LRRFIP1: variants seen among roughly 807,000 people sequenced by gnomAD.
LRRFIP1 encodes the protein LRR binding FLII interacting protein 1.
Under a neutral mutation model 104.4 loss-of-function variants are expected in LRRFIP1, and 62 were observed. The ratio of observed to expected loss-of-function variants is 0.59; its 90% CI spans 0.48 to 0.73. The LOEUF (loss-of-function observed/expected upper bound fraction) is 0.73. Among genes scored for constraint, LRRFIP1 ranks in the 30% least tolerant of loss-of-function variants. The probability of loss-of-function intolerance (pLI) is 0.00; values close to 1 mark genes in which losing one functional copy is unlikely to be tolerated. For missense variants in LRRFIP1, 796 were observed against 824.5 expected, an observed-to-expected ratio of 0.97 and a Z score of 0.42; for synonymous variants, 300 against 299.0, an observed-to-expected ratio of 1.00 and a Z score of -0.03.
chr2:237,717,615 C>G lies in LRRFIP1; in HGVS notation c.202-147C>G. The G allele has an allele frequency of 1.4e-6, 1 of 730,874 alleles. No homozygotes were observed. The highest frequency in any genetic ancestry group is 1.5e-5 in the South Asian group (1 of 66,484). The allele number at this position is 730,874 out of a possible 1,614,324, so 45.3% of individuals were successfully genotyped here. ...GGCGGTCCCTGTGGAGAAGCCAGGCCTGGTGCCGACTGCTTTGCCTTGGCG... is the reference window on the plus strand; with the variant it reads ...GGCGGTCCCTGTGGAGAAGCCAGGCGTGGTGCCGACTGCTTTGCCTTGGCG... On this transcript the variant is annotated intron_variant, in intron 3 of 23. Transcript: ENST00000308482. This position sits in a 1 kb window ranked among gnomAD's most constrained non-coding sequence, Gnocchi z 4.2.
At chr2:237,659,145 G>C (rs1039238006) in intron 1 of LRRFIP1, among the ~76,000 whole-genome samples, 1 of 151,982 alleles carries the variant, frequency 6.6e-6, no homozygotes, top group Non-Finnish European at 1.5e-5. Context: ...CCAGGCTAAA[G>C]TGCAGTGGTG....
chr2:237,701,167 A>G (rs1305419568), intron 1 of LRRFIP1, among the ~76,000 whole-genome samples: 1 of 152,212 alleles, frequency 6.6e-6, no homozygotes, highest in Non-Finnish European at 1.5e-5. Flanking sequence ...AGCCTCCCGC[A>G]GCACCTGCTG....
chr2:237,779,580 TC>T lies in LRRFIP1; in HGVS notation c.*49del. On this transcript the variant is annotated 3_prime_UTR_variant, in exon 24 of 24. Transcript: ENST00000308482. ...TGGTTGGTGACTGGAGAGCATTGTT[TC>T]ATAGGCTTTTCTCTGTCCTATCTGG... The T allele has an allele frequency of 6.7e-7, 1 of 1,490,282 alleles. No homozygotes were observed. The allele number at this position is 1,490,282 out of a possible 1,614,324, so 92.3% of individuals were successfully genotyped here.
rs1307516405 is a variant in LRRFIP1 at position 237,766,413 on chromosome 2, T to A, written c.1460-3530T>A. Among the ~76,000 whole-genome samples the A allele has an allele frequency of 1.3e-5, 2 of 152,168 alleles. No individual in the cohort carries two copies. Among genetic ancestry groups the A allele is most frequent in the Non-Finnish European group, 2.9e-5 (2 of 68,022 alleles). On this transcript the variant is annotated intron_variant, in intron 19 of 23. Coordinates refer to ENST00000308482, the MANE Select transcript of LRRFIP1 (RefSeq NM_001137550.2). The surrounding 1 kb of genome is among the most constrained non-coding windows in gnomAD (Gnocchi z 4.8). ...AAAGCTGCATTCCTATTGGAATGCA[T>A]ACTGGAAACAGCTCTCATTCCTACC...
At chr2:237,667,017 GT>G (rs563797371) in intron 1 of LRRFIP1, among the ~76,000 whole-genome samples, 11 of 139,276 alleles carry the variant, frequency 7.9e-5, no homozygotes, top group African/African-American at 1.3e-4. Flanking sequence ...GTTTCTAGTT[GT>G]TTTTTTTTTC....
At chr2:237,697,430 G>A (rs2093263622) in intron 1 of LRRFIP1, among the ~76,000 whole-genome samples, 1 of 152,160 alleles carries the variant, frequency 6.6e-6, no homozygotes, top group South Asian at 2.1e-4. Flanking sequence ...TACTGCTTAT[G>A]TCGGCATACA....
At chr2:237,667,370 T>C (rs1266689010) in intron 1 of LRRFIP1, among the ~76,000 whole-genome samples, 1 of 152,248 alleles carries the variant, frequency 6.6e-6, no homozygotes, top group Non-Finnish European at 1.5e-5. Context: ...TCCATGTCCC[T>C]GCAAAGGACA....
At chr2:237,647,809 G>A (rs1169236375) in intron 1 of LRRFIP1, among the ~76,000 whole-genome samples, 2 of 151,298 alleles carry the variant, frequency 1.3e-5, no homozygotes, top group African/African-American at 4.8e-5. Flanking sequence ...AGCAGGGGCA[G>A]GGTCACGCCC....
chr2:237,629,234 T>G (rs1266242422), intron 1 of LRRFIP1, among the ~76,000 whole-genome samples: 1 of 152,254 alleles, frequency 6.6e-6, no homozygotes, highest in Non-Finnish European at 1.5e-5. Context: ...TTAAAGGACC[T>G]TTGGCTAAAT....
intron 1 of LRRFIP1, among the ~76,000 whole-genome samples, chr2:237,686,652 G>A (rs2092392979): frequency 6.6e-6 from 1 of 152,178 alleles, no homozygotes; most frequent in Non-Finnish European, 1.5e-5. Context: ...CTGTGGGAAG[G>A]CTGCATGCTG....
intron 2 of LRRFIP1, among the ~76,000 whole-genome samples, chr2:237,710,897 A>G (rs1456442547): frequency 1.3e-5 from 2 of 152,094 alleles, no homozygotes; most frequent in East Asian, 1.9e-4. Context: ...GCCACACGAA[A>G]AGAAAAATAA....
intron 1 of LRRFIP1, among the ~76,000 whole-genome samples, chr2:237,668,954 T>C (rs2089939588): frequency 6.6e-6 from 1 of 152,252 alleles, no homozygotes. Flanking sequence ...GTGACTTTTT[T>C]TTAACATAGT....
intron 7 of LRRFIP1, among the ~76,000 whole-genome samples, chr2:237,726,824 A>G (rs981032598): frequency 2.6e-5 from 4 of 152,186 alleles, no homozygotes; most frequent in Non-Finnish European, 5.9e-5. Flanking sequence ...ATTAAGGGAC[A>G]TTTAGAAAGC....
At chr2:237,680,433 A>T (rs2091680850) in intron 1 of LRRFIP1, among the ~76,000 whole-genome samples, 1 of 152,250 alleles carries the variant, frequency 6.6e-6, no homozygotes. Context: ...CAGTCTAACA[A>T]CTATTTACAT....
At chr2:237,692,173 G>A (rs956916832) in intron 1 of LRRFIP1, 10 of 1,022,496 alleles carry the variant, frequency 9.8e-6, no homozygotes, top group African/African-American at 5.2e-5. Flanking sequence ...GCCGTGGGAC[G>A]GGCGGAGGCG....
intron 1 of LRRFIP1, among the ~76,000 whole-genome samples, chr2:237,637,543 GAT>G (rs1216632661): frequency 1.3e-5 from 2 of 152,210 alleles, no homozygotes; most frequent in East Asian, 3.8e-4. Flanking sequence ...TAAGATCTGA[GAT>G]ATACTTTCCA....
chr2:237,637,348 G>A (rs1401447244), intron 1 of LRRFIP1, among the ~76,000 whole-genome samples: 1 of 152,088 alleles, frequency 6.6e-6, no homozygotes, highest in Non-Finnish European at 1.5e-5. Flanking sequence ...TGCACCTGTA[G>A]TCTCAGCTAC....
intron 1 of LRRFIP1, among the ~76,000 whole-genome samples, chr2:237,647,850 G>A (rs537859675): frequency 2.0e-5 from 3 of 152,040 alleles, no homozygotes; most frequent in Non-Finnish European, 2.9e-5. Flanking sequence ...CTCACTGCAC[G>A]CAGGGTTTTG....
At chr2:237,698,620 A>C (rs535606240) in intron 1 of LRRFIP1, among the ~76,000 whole-genome samples, 16 of 152,358 alleles carry the variant, frequency 1.1e-4, no homozygotes, top group Admixed American at 9.8e-4. Context: ...GTAAACTTTC[A>C]TGGTAATTTC....
Sources: gnomAD v4.1 joint callset for allele counts (sites outside exome capture counted in the v4.1 genomes callset) on GRCh38, gnomAD v4.1.1 for gene constraint, Gnocchi (gnomAD v3.1) non-coding constraint, MANE v1.5 for transcripts, NCBI Gene and HGNC (gene_info 2026-07-23, HGNC 2026-07-21) for gene names.